The following NKAIN3 variants were observed in gnomAD, a reference collection of about 807,000 sequenced individuals.
NKAIN3 encodes sodium/potassium-transporting ATPase subunit beta-1-interacting protein 3.
Under a neutral mutation model 30.2 loss-of-function variants are expected in NKAIN3, and 25 were observed. That is an observed-to-expected ratio of 0.83 (90% CI 0.60 to 1.16). NKAIN3 has a LOEUF of 1.16. Ranked by LOEUF, NKAIN3 falls within the 50% of genes most tolerant of loss-of-function variation. The probability of loss-of-function intolerance (pLI) is 0.00; values close to 1 mark genes in which losing one functional copy is unlikely to be tolerated. For missense variants in NKAIN3, 225 were observed against 254.1 expected, an observed-to-expected ratio of 0.89 and a Z score of 0.78; for synonymous variants, 91 against 89.6, an observed-to-expected ratio of 1.02 and a Z score of -0.09.
intron 1 of NKAIN3, among the ~76,000 whole-genome samples, chr8:62,462,199 T>C (rs1000222301): frequency 3.9e-5 from 6 of 152,132 alleles, no homozygotes; most frequent in East Asian, 1.9e-4. Context: ...TGGGAACATG[T>C]GGAAATCCTT....
intron 4 of NKAIN3, among the ~76,000 whole-genome samples, chr8:62,846,608 G>A (rs1819696953): frequency 6.6e-6 from 1 of 152,056 alleles, no homozygotes; most frequent in Admixed American, 6.6e-5. Context: ...GCATTAGTTT[G>A]CTAAGGATAA....
intron 3 of NKAIN3, among the ~76,000 whole-genome samples, chr8:62,713,944 G>A (rs969785964): frequency 2.0e-5 from 3 of 152,120 alleles, no homozygotes; most frequent in African/African-American, 7.2e-5. Context: ...CCACTAGATT[G>A]TGATAGATCA....
At chr8:62,368,987 C>T (rs1172326495) in intron 1 of NKAIN3, among the ~76,000 whole-genome samples, 1 of 152,012 alleles carries the variant, frequency 6.6e-6, no homozygotes, top group Non-Finnish European at 1.5e-5. Context: ...AAAGTGAGCT[C>T]ACCTAGGTTC....
chr8:62,556,886 A>T (rs1308367379), intron 1 of NKAIN3, among the ~76,000 whole-genome samples: 1 of 152,082 alleles, frequency 6.6e-6, no homozygotes, highest in Non-Finnish European at 1.5e-5. Flanking sequence ...CTAAAGTGAA[A>T]GTATGTAAAA....
chr8:62,986,394 C>T (rs537650800), downstream of NKAIN3, among the ~76,000 whole-genome samples: 1 of 152,264 alleles, frequency 6.6e-6, no homozygotes, highest in East Asian at 1.9e-4. Context: ...CAAGTGGTTG[C>T]AGTCCTCCTC....
Position 62,972,360 on chromosome 8 carries a change from A to T in NKAIN3, c.*6953A>T, listed in dbSNP as rs1823852929. 6.6e-6 allele frequency among the ~76,000 whole-genome samples: 1 copy of T among 152,172 alleles called. No homozygotes were observed. Among genetic ancestry groups the T allele is most frequent in the Non-Finnish European group, 1.5e-5 (1 of 68,028 alleles). ...AATTAATAAAATTTTTTGTAATTATAAATATGTATATATTGGGGGGCAAAA... is the reference window on the plus strand; with the variant it reads ...AATTAATAAAATTTTTTGTAATTATTAATATGTATATATTGGGGGGCAAAA... On this transcript the variant is annotated 3_prime_UTR_variant, in exon 7 of 7. Coordinates refer to ENST00000623646, the MANE Select transcript of NKAIN3 (RefSeq NM_001304533.3).
rs144656283 is a variant in NKAIN3 at position 62,796,789 on chromosome 8, T to TACACACACACACACACACACAC, written c.471+49666_471+49687dup. ...AGAATACTAGTTTTTGTATCACACATACACACACACACACACACACACACA... is the reference window on the plus strand; with the variant it reads ...AGAATACTAGTTTTTGTATCACACATACACACACACACACACACACACACACACACACACACACACACACACA... On this transcript the variant is annotated intron_variant, in intron 4 of 6. Coordinates refer to ENST00000623646, the MANE Select transcript of NKAIN3 (RefSeq NM_001304533.3). Among the ~76,000 whole-genome samples, 375 of 146,148 alleles carry TACACACACACACACACACACAC rather than the reference T, an allele frequency of 2.6e-3. 1 individual carries two copies. The highest frequency in any genetic ancestry group is 0.02 in the South Asian group (87 of 4,458).
At chr8:62,324,117 A>C (rs1442957348) in intron 1 of NKAIN3, among the ~76,000 whole-genome samples, 1 of 152,132 alleles carries the variant, frequency 6.6e-6, no homozygotes, top group Non-Finnish European at 1.5e-5. Flanking sequence ...ACTTTAATTA[A>C]CAATAATGTA....
chr8:62,355,626 A>T (rs1027989507), intron 1 of NKAIN3, among the ~76,000 whole-genome samples: 8 of 152,218 alleles, frequency 5.3e-5, no homozygotes, highest in Admixed American at 5.2e-4. Flanking sequence ...TCTGTGGCTT[A>T]CTTACAACAC....
At chr8:62,553,567 C>T (rs1191081663) in intron 1 of NKAIN3, among the ~76,000 whole-genome samples, 3 of 147,176 alleles carry the variant, frequency 2.0e-5, no homozygotes, top group Non-Finnish European at 4.5e-5. Flanking sequence ...GACAGAATCT[C>T]GCTCTGTCAC....
At chr8:62,909,991 T>C (rs1352733209) in intron 4 of NKAIN3, among the ~76,000 whole-genome samples, 1 of 152,146 alleles carries the variant, frequency 6.6e-6, no homozygotes, top group Non-Finnish European at 1.5e-5. Context: ...AATTTTTTCT[T>C]GCTATACATT....
chr8:62,812,094 T>G (rs1818505176), intron 4 of NKAIN3, among the ~76,000 whole-genome samples: 2 of 151,978 alleles, frequency 1.3e-5, no homozygotes, highest in South Asian at 2.1e-4. Context: ...GTGAAAGAAC[T>G]ATTTTTCTAC....
intron 4 of NKAIN3, among the ~76,000 whole-genome samples, chr8:62,898,944 GA>G (rs1821519002): frequency 8.0e-6 from 1 of 125,576 alleles, no homozygotes; most frequent in African/African-American, 3.3e-5. Context: ...TTTCTTAAAA[GA>G]AAACATACAA....
intron 3 of NKAIN3, among the ~76,000 whole-genome samples, chr8:62,745,763 C>T (rs1199750624): frequency 6.6e-6 from 1 of 152,012 alleles, no homozygotes; most frequent in Admixed American, 6.6e-5. Flanking sequence ...GACTGTGGTG[C>T]CATTTTCTTG....
chr8:62,846,390 T>C (rs1231222201), intron 4 of NKAIN3, among the ~76,000 whole-genome samples: 1 of 152,142 alleles, frequency 6.6e-6, no homozygotes, highest in African/African-American at 2.4e-5. Context: ...GGTAAACATG[T>C]GCCATGATGG....
At chr8:62,828,615 A>G (rs1241723658) in intron 4 of NKAIN3, among the ~76,000 whole-genome samples, 2 of 103,208 alleles carry the variant, frequency 1.9e-5, no homozygotes, top group African/African-American at 6.3e-5. Context: ...TTGAGACAGG[A>G]GGAGTCAACA....
intron 5 of NKAIN3, among the ~76,000 whole-genome samples, chr8:62,935,005 C>G (rs533468093): frequency 6.6e-6 from 1 of 152,122 alleles, no homozygotes; most frequent in Non-Finnish European, 1.5e-5. Flanking sequence ...TCTGCCTCCA[C>G]GGAGTTTTCT....
chr8:62,379,537 A>C (rs2351662), intron 1 of NKAIN3, among the ~76,000 whole-genome samples: 1 of 152,134 alleles, frequency 6.6e-6, no homozygotes, highest in Non-Finnish European at 1.5e-5. Flanking sequence ...AACCATGAGG[A>C]CATTTTCCAC....
At chr8:62,778,679 A>G (rs943206044) in intron 4 of NKAIN3, among the ~76,000 whole-genome samples, 1 of 152,180 alleles carries the variant, frequency 6.6e-6, no homozygotes, top group South Asian at 2.1e-4. Context: ...AAAGACCCCA[A>G]GTACCCACTT....
Sources: allele counts gnomAD v4.1 joint callset (sites outside exome capture counted in the v4.1 genomes callset), GRCh38; gene constraint gnomAD v4.1.1; transcripts MANE v1.5; gene names NCBI Gene and HGNC (gene_info 2026-07-23, HGNC 2026-07-21).